Variants in MXI1 observed in about 807,000 individuals in gnomAD.
The protein encoded by MXI1 is MAX interactor 1, dimerization protein.
Under a neutral mutation model 36.9 loss-of-function variants are expected in MXI1, and 18 were observed. The ratio of observed to expected loss-of-function variants is 0.49; its 90% CI spans 0.34 to 0.72. The LOEUF is 0.72. MXI1 is among the 30% of genes least tolerant of loss of function. MXI1 has a pLI of 0.01. For synonymous variants in MXI1, 160 were observed against 146.7 expected (o/e 1.09, Z -0.65); for missense variants, 304 against 379.1 (o/e 0.80, Z 1.64).
rs1854403046 is a variant in MXI1 at position 110,207,926 on chromosome 10, G to A, written c.118G>A (p.Glu40Lys). The change falls in exon 1 of 6, where the codon GAG becomes AAG. Residue 40 changes from glutamate (E) to lysine (K), a missense_variant. Around this residue, in one of 2 missense-constraint regions of MXI1, gnomAD observed 179 missense variants for 184.8 expected, o/e 0.97. Transcript: ENST00000332674. ...CGCGCCCCAGCCCCCGGCCCTGCCC[G>A]AGGACCCCGCTGGGGCCAAGCCCAG... ...VAAPQPPALP[E>K]DPAGAKPRCP... 6 of 1,542,416 alleles carry A rather than the reference G, an allele frequency of 3.9e-6. No individual in the cohort carries two copies. Among genetic ancestry groups the A allele is most frequent in the East Asian group, 2.7e-5 (1 of 37,074 alleles).
Position 110,225,986 on chromosome 10 carries a change from G to C in MXI1, c.275-2203G>C, listed in dbSNP as rs1207194075. Reference sequence around the variant, plus strand: ...GCTCCCGCCCCTCCCCCGTGCTCGCGGGGAGAGGTAAACAAACCACGCGCG... The same window carrying C: ...GCTCCCGCCCCTCCCCCGTGCTCGCCGGGAGAGGTAAACAAACCACGCGCG... On this transcript the variant is annotated intron_variant, in intron 1 of 5. Transcript: ENST00000332674. 6 of 982,120 alleles carry C rather than the reference G, an allele frequency of 6.1e-6. No homozygotes were observed. The African/African-American group carries it at 8.8e-5, about 14-fold the overall frequency. The allele number at this position is 982,120 out of a possible 1,614,324, so 60.8% of individuals were successfully genotyped here.
intron 2 of MXI1, among the ~76,000 whole-genome samples, chr10:110,233,906 T>A (rs1367926696): frequency 6.6e-6 from 1 of 152,202 alleles, no homozygotes. Flanking sequence ...GTAGGACAGC[T>A]GTTTCTGTTC....
At chr10:110,222,252 C>A (rs1313180505) in intron 1 of MXI1, among the ~76,000 whole-genome samples, 1 of 152,178 alleles carries the variant, frequency 6.6e-6, no homozygotes. Context: ...AAACGCCCAT[C>A]CTTAAAGATA....
At chr10:110,282,501 C>T (rs1289137030) in intron 5 of MXI1, among the ~76,000 whole-genome samples, 3 of 152,190 alleles carry the variant, frequency 2.0e-5, no homozygotes, top group Non-Finnish European at 2.9e-5. Context: ...ATAACCCTGA[C>T]CTTGGTGTCC....
chr10:110,248,648 C>T (rs1251925275), intron 3 of MXI1, among the ~76,000 whole-genome samples: 18 of 152,208 alleles, frequency 1.2e-4, no homozygotes, highest in Admixed American at 9.8e-4. Flanking sequence ...ATGATTTCCT[C>T]ATCATCTTCT....
In MXI1 at chr10:110,286,136, G is replaced by C. The variant is rs1387220764; in HGVS notation, c.*1149G>C. On this transcript the variant is annotated 3_prime_UTR_variant, in exon 6 of 6. Coordinates refer to ENST00000332674, the MANE Select transcript of MXI1 (RefSeq NM_130439.3). ...TTTTTAGAATCATTACCTTTTACCA[G>C]CTTTTAACCATCTGATATCTATAGT... 1 of 152,566 alleles carries C rather than the reference G, an allele frequency of 6.6e-6. No homozygotes were observed. The highest frequency in any genetic ancestry group is 2.4e-5 in the African/African-American group (1 of 41,418). 9.5% of individuals were successfully genotyped at this position (152,566 alleles called of 1,614,324 possible).
Position 110,236,187 on chromosome 10 carries a change from A to G in MXI1, c.407+7866A>G, listed in dbSNP as rs373410837. On this transcript the variant is annotated intron_variant, in intron 2 of 5. Transcript: ENST00000332674. ...TTGCAAATGGACATCCAGTTGTTCC[A>G]GTATCATTTGTTGAAAAGACTATAC... Among the ~76,000 whole-genome samples the G allele has an allele frequency of 4.8e-5, 3 of 63,150 alleles. 1 individual carries two copies. The South Asian group carries it at 1.7e-3, about 35-fold the overall frequency. The allele number at this position is 63,150 out of a possible 152,430, so 41.4% of individuals were successfully genotyped here. A position where few individuals can be genotyped will look rare whatever the true frequency, so the allele number is the denominator to read the frequency against.
chr10:110,213,124 TG>T (rs1318473238), intron 1 of MXI1, among the ~76,000 whole-genome samples: 1 of 152,178 alleles, frequency 6.6e-6, no homozygotes, highest in Non-Finnish European at 1.5e-5. Context: ...CCAACTCCCT[TG>T]GGTGGTGAGA....
rs138351944 is a variant in MXI1 at position 110,211,261 on chromosome 10, G to C, written c.274+3179G>C. On this transcript the variant is annotated intron_variant, in intron 1 of 5. Coordinates refer to ENST00000332674, the MANE Select transcript of MXI1 (RefSeq NM_130439.3). ...ACATGGAGACAAACTTCTTTCCTCC[G>C]ACTGGACTTGACCTAGCTGCGTCGT... Among the ~76,000 whole-genome samples the C allele has an allele frequency of 9.6e-4, 146 of 152,168 alleles. 2 individuals are homozygous for C. The East Asian group carries it at 0.022, about 23-fold the overall frequency.
intron 2 of MXI1, among the ~76,000 whole-genome samples, chr10:110,238,735 TTTAATAG>T (rs1855557901): frequency 6.6e-6 from 1 of 152,296 alleles, no homozygotes; most frequent in African/African-American, 2.4e-5. Context: ...TTTTAATCTC[TTTAATAG>T]ATGAAAGGCA....
intron 1 of MXI1, among the ~76,000 whole-genome samples, chr10:110,223,278 G>T (rs764117050): frequency 1.3e-5 from 2 of 152,176 alleles, no homozygotes. Flanking sequence ...TTGATTGCTT[G>T]TCACACAAGT....
intron 1 of MXI1, chr10:110,210,169 G>T: frequency 2.4e-6 from 2 of 832,238 alleles, no homozygotes; most frequent in Non-Finnish European, 2.9e-6. Context: ...CGCGCGGGGC[G>T]GGCCCGTGGC....
At chr10:110,282,751 A>T (rs954726755) in intron 5 of MXI1, among the ~76,000 whole-genome samples, 1 of 152,064 alleles carries the variant, frequency 6.6e-6, no homozygotes, top group African/African-American at 2.4e-5. Context: ...TTGTAGTGTT[A>T]TGGGGGCTTT....
At chr10:110,267,848 T>C (rs181826151) in intron 3 of MXI1, among the ~76,000 whole-genome samples, 19 of 152,340 alleles carry the variant, frequency 1.2e-4, no homozygotes, top group African/African-American at 3.4e-4. Context: ...TCAAGAAATA[T>C]TGATATTCTT....
At chr10:110,232,206 C>T (rs1445743640) in intron 2 of MXI1, among the ~76,000 whole-genome samples, 1 of 152,136 alleles carries the variant, frequency 6.6e-6, no homozygotes, top group Non-Finnish European at 1.5e-5. Context: ...ATGAACCGCC[C>T]GGCTTGGCCT....
At chr10:110,235,496 G>C (rs1855425853) in intron 2 of MXI1, among the ~76,000 whole-genome samples, 1 of 150,744 alleles carries the variant, frequency 6.6e-6, no homozygotes, top group African/African-American at 2.4e-5. Flanking sequence ...GACCATCCTG[G>C]CTAACATGGG....
chr10:110,268,588 A>G (rs948963187), intron 3 of MXI1, among the ~76,000 whole-genome samples: 1 of 152,166 alleles, frequency 6.6e-6, no homozygotes, highest in Admixed American at 6.5e-5. Flanking sequence ...TTCACTTTCT[A>G]TCTACCTAAA....
At chr10:110,260,264 G>A (rs146725989) in intron 3 of MXI1, among the ~76,000 whole-genome samples, 13 of 151,972 alleles carry the variant, frequency 8.6e-5, no homozygotes, top group Admixed American at 2.6e-4. Context: ...TGCTTTTCTT[G>A]GCTATTAAAG....
chr10:110,264,999 T>C (rs995283866), intron 3 of MXI1, among the ~76,000 whole-genome samples: 3 of 152,182 alleles, frequency 2.0e-5, no homozygotes, highest in Non-Finnish European at 4.4e-5. Context: ...TATACAGAAC[T>C]GTATTCTACT....
Sources: gnomAD v4.1 joint callset for allele counts (sites outside exome capture counted in the v4.1 genomes callset) on GRCh38, gnomAD v4.1.1 for gene constraint, gnomAD v4.1.1 regional missense constraint, MANE v1.5 for transcripts, NCBI Gene and HGNC (gene_info 2026-07-23, HGNC 2026-07-21) for gene names.